AMPH: variants seen among roughly 807,000 people sequenced by gnomAD.
AMPH encodes amphiphysin, also known as amphiphysin (Stiff-Mann syndrome with breast cancer 128kD autoantigen).
AMPH carries 49 observed loss-of-function variants against 99.1 expected under a neutral mutation model. The ratio of observed to expected loss-of-function variants is 0.49; its 90% confidence interval spans 0.39 to 0.63. The LOEUF is 0.63. Among genes scored for constraint, AMPH ranks in the 20% least tolerant of loss-of-function variants. The pLI is 0.00. For synonymous variants in AMPH, 314 were observed against 317.3 expected (o/e 0.99, Z 0.11); for missense variants, 759 against 863.4 (o/e 0.88, Z 1.52).
At chr7:38,430,028 C>T in intron 13 of AMPH, 163 bp from the exon 14 acceptor site, 2 of 643,514 alleles carry the variant, frequency 3.1e-6, no homozygotes, top group Admixed American at 7.4e-5. Context: ...GATTTTTGTT[C>T]CAAAATTGTT....
chr7:38,595,387 G>A (rs1005337082), intron 1 of AMPH, among the ~76,000 whole-genome samples: 1 of 152,158 alleles, frequency 6.6e-6, no homozygotes, highest in Non-Finnish European at 1.5e-5. Context: ...TGCAGTCTGG[G>A]CTGAAGGGCT....
intron 10 of AMPH, 146 bp from the exon 11 acceptor site, chr7:38,461,557 G>A: frequency 1.0e-6 from 1 of 979,926 alleles, no homozygotes; most frequent in Admixed American, 2.4e-5. Flanking sequence ...TCTGATACAG[G>A]TAAAGAATGC....
chr7:38,609,978 C>T (rs1404588418), intron 1 of AMPH, among the ~76,000 whole-genome samples: 2 of 151,660 alleles, frequency 1.3e-5, no homozygotes, highest in African/African-American at 2.4e-5. Flanking sequence ...TGTAATCCCA[C>T]CTGAGGGATC....
intron 2 of AMPH, among the ~76,000 whole-genome samples, chr7:38,524,379 G>A (rs2129035906): frequency 6.6e-6 from 1 of 152,254 alleles, no homozygotes; most frequent in Non-Finnish European, 1.5e-5. Context: ...AACACAATTA[G>A]GGCATATGTT....
intron 1 of AMPH, among the ~76,000 whole-genome samples, chr7:38,602,423 G>C (rs766764347): frequency 4.6e-5 from 7 of 152,210 alleles, no homozygotes; most frequent in Non-Finnish European, 8.8e-5. Context: ...GCAGGGCTGT[G>C]CTCCTTCTGG....
At chr7:38,576,682 T>C (rs1365091109) in intron 1 of AMPH, among the ~76,000 whole-genome samples, 1 of 152,194 alleles carries the variant, frequency 6.6e-6, no homozygotes, top group Non-Finnish European at 1.5e-5. Context: ...TTTTTATGTT[T>C]TTTTAAAACA....
At chr7:38,397,233 T>C in intron 17 of AMPH, among the ~76,000 whole-genome samples, 1 of 152,252 alleles carries the variant, frequency 6.6e-6, no homozygotes, top group Middle Eastern at 3.2e-3. Flanking sequence ...ACATTATTAC[T>C]AATTGGCTTT....
chr7:38,565,586 C>T (rs547545596), intron 1 of AMPH, among the ~76,000 whole-genome samples: 13 of 152,086 alleles, frequency 8.5e-5, no homozygotes, highest in Non-Finnish European at 1.6e-4. Context: ...ATCCTAATGA[C>T]CTCATTTTAA....
At chr7:38,388,645 T>G (rs1287990783) in intron 20 of AMPH, among the ~76,000 whole-genome samples, 1 of 151,358 alleles carries the variant, frequency 6.6e-6, no homozygotes, top group East Asian at 1.9e-4. Context: ...TTGTTATTAA[T>G]TTTTTGTTTT....
At chr7:38,528,412 A>G (rs1013335397) in intron 2 of AMPH, among the ~76,000 whole-genome samples, 1 of 152,102 alleles carries the variant, frequency 6.6e-6, no homozygotes, top group African/African-American at 2.4e-5. Context: ...CACTTTCTTT[A>G]ATAATTATTA....
intron 1 of AMPH, among the ~76,000 whole-genome samples, chr7:38,571,247 AAT>A (rs1206507705): frequency 4.6e-4 from 36 of 77,958 alleles, no homozygotes; most frequent in Admixed American, 6.5e-4. Context: ...TATAATTATA[AAT>A]ATATATTAAA....
In AMPH at chr7:38,611,061, C is replaced by T. The variant is rs568459867; in HGVS notation, c.69+20222G>A. On this transcript the variant is annotated intron_variant, in intron 1 of 20. Transcript: ENST00000356264. Reference sequence around the variant, plus strand: ...ATTCACAATAGACAAGAGGTGTAAACAAACCAGATGTCCATCAGTAGATAA... The same window carrying T: ...ATTCACAATAGACAAGAGGTGTAAATAAACCAGATGTCCATCAGTAGATAA... Among the ~76,000 whole-genome samples, 4 of 152,280 alleles carry T rather than the reference C, an allele frequency of 2.6e-5. No individual in the cohort carries two copies. In the East Asian group the frequency reaches 5.8e-4, roughly 22 times the overall value.
chr7:38,517,831 CCT>C (rs1789807941), intron 2 of AMPH, among the ~76,000 whole-genome samples: 1 of 152,200 alleles, frequency 6.6e-6, no homozygotes, highest in African/African-American at 2.4e-5. Flanking sequence ...GCCACGTGAT[CCT>C]TTGTTAAAGA....
chr7:38,536,680 T>G (rs1344493664), intron 1 of AMPH, among the ~76,000 whole-genome samples: 1 of 152,124 alleles, frequency 6.6e-6, no homozygotes, highest in Non-Finnish European at 1.5e-5. Flanking sequence ...ATGTAAGTAA[T>G]ATGAAATATG....
intron 1 of AMPH, among the ~76,000 whole-genome samples, chr7:38,543,893 A>T (rs1257643411): frequency 2.6e-5 from 4 of 152,230 alleles, no homozygotes; most frequent in African/African-American, 9.6e-5. Flanking sequence ...ATACTGTTAA[A>T]GAAAAAAAGG....
chr7:38,581,981 G>A (rs2129055554), intron 1 of AMPH, among the ~76,000 whole-genome samples: 1 of 152,208 alleles, frequency 6.6e-6, no homozygotes, highest in East Asian at 1.9e-4. Context: ...ATGTCAAGTA[G>A]GCAGCTGGAT....
At chr7:38,493,666 C>G (rs1320407837) in intron 4 of AMPH, among the ~76,000 whole-genome samples, 1 of 152,150 alleles carries the variant, frequency 6.6e-6, no homozygotes, top group East Asian at 1.9e-4. Flanking sequence ...TTTTCACAGT[C>G]TGACTTTGTG....
At chr7:38,595,622 T>C (rs1181432775) in intron 1 of AMPH, among the ~76,000 whole-genome samples, 1 of 152,208 alleles carries the variant, frequency 6.6e-6, no homozygotes, top group Non-Finnish European at 1.5e-5. Flanking sequence ...GTTTTTTACA[T>C]GGGTATATTG....
intron 1 of AMPH, among the ~76,000 whole-genome samples, chr7:38,569,928 A>C (rs1271980404): frequency 6.6e-6 from 1 of 152,214 alleles, no homozygotes; most frequent in Non-Finnish European, 1.5e-5. Context: ...TCAGGTCATA[A>C]GTTTCTTGGA....
Sources: gnomAD v4.1 joint callset for allele counts (sites outside exome capture counted in the v4.1 genomes callset) on GRCh38, gnomAD v4.1.1 for gene constraint, MANE v1.5 for transcripts, NCBI Gene and HGNC (gene_info 2026-07-23, HGNC 2026-07-21) for gene names.